Variants in UNC13B observed in about 807,000 individuals in gnomAD.
The protein encoded by UNC13B is protein unc-13 homolog B.
A neutral mutation model predicts 211.0 loss-of-function variants in UNC13B; 144 were observed. The observed-to-expected ratio is 0.68, with a 90% CI of 0.60 to 0.78. The LOEUF is 0.78. UNC13B is among the 30% of genes least tolerant of loss of function. UNC13B has a pLI of 0.00. For synonymous variants in UNC13B, 709 were observed against 725.8 expected (o/e 0.98, Z 0.37); for missense variants, 1,777 against 2,002.0 (o/e 0.89, Z 2.14).
At chr9:35,388,191 TGAGGTCAG>T (rs1341964985) in intron 24 of UNC13B, among the ~76,000 whole-genome samples, 1 of 152,156 alleles carries the variant, frequency 6.6e-6, no homozygotes, top group South Asian at 2.1e-4. Flanking sequence ...GTGGATCACT[TGAGGTCAG>T]GAGTTTGAAA....
At chr9:35,335,046 TAAAAAATTA>T (rs1831576210) in intron 11 of UNC13B, among the ~76,000 whole-genome samples, 1 of 151,866 alleles carries the variant, frequency 6.6e-6, no homozygotes, top group Non-Finnish European at 1.5e-5. Flanking sequence ...TCAAAACAAA[TAAAAAATTA>T]AAAAAATTAA....
At chr9:35,220,669 TATG>T (rs760944297) in intron 1 of UNC13B, among the ~76,000 whole-genome samples, 1 of 152,212 alleles carries the variant, frequency 6.6e-6, no homozygotes, top group Non-Finnish European at 1.5e-5. Flanking sequence ...ACATTTTTGT[TATG>T]ATGAACACTT....
In UNC13B at chr9:35,394,081, A is replaced by G. The variant is rs1204700574; in HGVS notation, c.11309-2395A>G. ...GACCTAGGCAGGTAATAGCGTGGCT[A>G]GAAGGAATGGATAGATTCCAGAGAC... is the stretch of plus-strand genomic sequence containing the variant. On this transcript the variant is annotated intron_variant, in intron 26 of 39. Transcript: ENST00000635942. Among the ~76,000 whole-genome samples, 3 of 152,334 alleles carry G rather than the reference A, an allele frequency of 2.0e-5. No homozygotes were observed. In the East Asian group the frequency reaches 5.8e-4, roughly 29 times the overall value.
chr9:35,404,235 G>A lies in UNC13B; in HGVS notation c.*202G>A. 2 of 659,574 alleles carry A rather than the reference G, an allele frequency of 3.0e-6. No individual in the cohort carries two copies. Among genetic ancestry groups the A allele is most frequent in the South Asian group, 4.0e-5 (2 of 49,572 alleles). The allele number at this position is 659,574 out of a possible 1,614,324, so 40.9% of individuals were successfully genotyped here. On this transcript the variant is annotated 3_prime_UTR_variant, in exon 40 of 40. Coordinates refer to ENST00000635942, the MANE Select transcript of UNC13B (RefSeq NM_001371189.2). ...GAAGCCCTGGCCCAACAGGACTGTG[G>A]TACTAGGGGCTGGGATGTGGGGTTA...
At chr9:35,376,337 A>C in intron 15 of UNC13B, 90 bp downstream of exon 15, 3 of 1,305,470 alleles carry the variant, frequency 2.3e-6, no homozygotes, top group Non-Finnish European at 3.2e-6. Context: ...GGCTGAACCA[A>C]TCATTCCCCC....
rs372275921 is a variant in UNC13B at position 35,167,324 on chromosome 9, T to C, written c.22+5019T>C. ...ACCTTACTTCATGATCCGCCTGCCT[T>C]GGCCTTGCAAAGTGCTGAGATTACA... is the stretch of plus-strand genomic sequence containing the variant. On this transcript the variant is annotated intron_variant, in intron 1 of 39. Coordinates refer to ENST00000635942, the MANE Select transcript of UNC13B (RefSeq NM_001371189.2). Among the ~76,000 whole-genome samples, 6 of 152,214 alleles carry C rather than the reference T, an allele frequency of 3.9e-5. No individual in the cohort carries two copies. The East Asian group carries it at 5.8e-4, about 15-fold the overall frequency.
chr9:35,340,371 A>C (rs1355785615), intron 11 of UNC13B, among the ~76,000 whole-genome samples: 1 of 152,220 alleles, frequency 6.6e-6, no homozygotes, highest in Non-Finnish European at 1.5e-5. Context: ...TATTGGAAGA[A>C]GGCAGTAGGG....
chr9:35,335,736 C>T (rs116236786), intron 11 of UNC13B, among the ~76,000 whole-genome samples: 465 of 149,772 alleles, frequency 3.1e-3, no homozygotes, highest in African/African-American at 0.011. Context: ...GTCACTCAAG[C>T]TGGAGTGCAG....
chr9:35,375,779 G>A (rs1178829710), intron 14 of UNC13B, among the ~76,000 whole-genome samples: 2 of 152,134 alleles, frequency 1.3e-5, no homozygotes, highest in Non-Finnish European at 2.9e-5. Flanking sequence ...TCAGGAGTTC[G>A]AGACAAGCCT....
In UNC13B at chr9:35,305,784, A is replaced by G. The variant is rs1470912948; in HGVS notation, c.6380A>G (p.Lys2127Arg). Residue 2127 changes from lysine (K) to arginine (R), a missense_variant, in exon 9 of 40, where the codon AAG becomes AGG. Coordinates refer to ENST00000635942, the MANE Select transcript of UNC13B (RefSeq NM_001371189.2). The stretch of plus-strand genomic sequence containing the variant: ...GAAATATCCTTTGATACCCTGAGCA[A>G]GAGAAATTCAAATGAACAAGATCAT... ...SNEISFDTLSKRNSNEQDHFS... is the reference protein window; with the variant it reads ...SNEISFDTLSRRNSNEQDHFS... 5 of 398,926 alleles carry G rather than the reference A, an allele frequency of 1.3e-5. No homozygotes were observed. Among genetic ancestry groups the G allele is most frequent in the Admixed American group, 8.8e-5 (2 of 22,722 alleles). The allele number at this position is 398,926 out of a possible 1,614,324, so 24.7% of individuals were successfully genotyped here.
chr9:35,260,938 C>G (rs1169571173), intron 7 of UNC13B, among the ~76,000 whole-genome samples: 1 of 152,166 alleles, frequency 6.6e-6, no homozygotes. Flanking sequence ...GCGCAAATGC[C>G]AAGAGGGCAG....
chr9:35,180,310 T>G (rs1384803912), intron 1 of UNC13B, among the ~76,000 whole-genome samples: 1 of 152,214 alleles, frequency 6.6e-6, no homozygotes, highest in East Asian at 1.9e-4. Context: ...TTCATCTGTA[T>G]TCTTTTTAAG....
intron 11 of UNC13B, among the ~76,000 whole-genome samples, chr9:35,318,277 TAAGATTG>T (rs1208376331): frequency 1.3e-5 from 2 of 152,184 alleles, no homozygotes; most frequent in African/African-American, 2.4e-5. Flanking sequence ...GATAACAGTT[TAAGATTG>T]AAGCAGAAAT....
chr9:35,311,969 C>T (rs1209546397), intron 10 of UNC13B, among the ~76,000 whole-genome samples: 3 of 152,182 alleles, frequency 2.0e-5, no homozygotes, highest in Non-Finnish European at 4.4e-5. Context: ...TCTCGGCACT[C>T]GTGACATTTT....
Position 35,211,804 on chromosome 9 carries a change from A to T in UNC13B, c.23-16211A>T, listed in dbSNP as rs572458087. On this transcript the variant is annotated intron_variant, in intron 1 of 39. Coordinates refer to ENST00000635942, the MANE Select transcript of UNC13B (RefSeq NM_001371189.2). The stretch of plus-strand genomic sequence containing the variant: ...AAGATTGTAATAAAAAGTTTATTTT[A>T]TTAAATTTTGGCTGGGTGTGGTAGT... Among the ~76,000 whole-genome samples, 6 of 152,334 alleles carry T rather than the reference A, an allele frequency of 3.9e-5. 1 individual carries two copies. In the South Asian group the frequency reaches 1.0e-3, roughly 26 times the overall value.
chr9:35,363,720 C>G (rs1470597202), intron 11 of UNC13B, among the ~76,000 whole-genome samples: 1 of 152,198 alleles, frequency 6.6e-6, no homozygotes, highest in East Asian at 1.9e-4. Flanking sequence ...CATGTATGGC[C>G]TAGAAGGCAA....
intron 6 of UNC13B, among the ~76,000 whole-genome samples, chr9:35,252,142 T>G (rs1327890640): frequency 1.3e-5 from 2 of 152,202 alleles, no homozygotes; most frequent in Admixed American, 6.5e-5. Context: ...AGTGCATCTA[T>G]TAGTTTGAAG....
chr9:35,269,286 TA>T (rs1827745952), intron 7 of UNC13B, among the ~76,000 whole-genome samples: 1 of 152,124 alleles, frequency 6.6e-6, no homozygotes, highest in African/African-American at 2.4e-5. Flanking sequence ...ACCGATTGAT[TA>T]AAAGGATATT....
chr9:35,285,609 CA>C (rs1368084327), intron 7 of UNC13B, among the ~76,000 whole-genome samples: 1 of 152,066 alleles, frequency 6.6e-6, no homozygotes, highest in Non-Finnish European at 1.5e-5. Flanking sequence ...CCCAGCTTCT[CA>C]GGAGGCTAGG....
Sources: allele counts gnomAD v4.1 joint callset (sites outside exome capture counted in the v4.1 genomes callset), GRCh38; gene constraint gnomAD v4.1.1; transcripts MANE v1.5; gene names NCBI Gene and HGNC (gene_info 2026-07-23, HGNC 2026-07-21).